RNF157: variants seen among roughly 807,000 people sequenced by gnomAD.
RNF157 encodes the protein ring finger protein 157.
A neutral mutation model predicts 88.3 loss-of-function variants in RNF157; 55 were observed. That is an observed-to-expected ratio of 0.62 (90% CI 0.50 to 0.78). The LOEUF is 0.78. RNF157 is among the 30% of genes least tolerant of loss of function. The pLI, the probability that RNF157 is intolerant of heterozygous loss-of-function variation, is 0.00. For synonymous variants in RNF157, 334 were observed against 341.2 expected (o/e 0.98, Z 0.23); for missense variants, 788 against 860.8 (o/e 0.92, Z 1.06).
chr17:76,170,934 C>T (rs1197731948), intron 3 of RNF157, among the ~76,000 whole-genome samples: 1 of 152,068 alleles, frequency 6.6e-6, no homozygotes, highest in African/African-American at 2.4e-5. Flanking sequence ...ACTCTGTCGC[C>T]CAGGCTGAAG....
chr17:76,210,861 C>A (rs1392414796), intron 2 of RNF157, among the ~76,000 whole-genome samples: 1 of 152,038 alleles, frequency 6.6e-6, no homozygotes, highest in Non-Finnish European at 1.5e-5. Flanking sequence ...CTGGAGCGCA[C>A]TGGGGCAACC....
chr17:76,194,815 A>T (rs562768102), intron 2 of RNF157, among the ~76,000 whole-genome samples: 31 of 152,270 alleles, frequency 2.0e-4, no homozygotes, highest in East Asian at 1.7e-3. Flanking sequence ...GGAGATCGAG[A>T]CCATCCTGGC....
chr17:76,182,760 C>CACAT (rs1555655962), intron 2 of RNF157, among the ~76,000 whole-genome samples: 3 of 93,358 alleles, frequency 3.2e-5, no homozygotes, highest in African/African-American at 1.7e-4. Context: ...GGCCTCGTCT[C>CACAT]ATATATATAT....
intron 7 of RNF157, among the ~76,000 whole-genome samples, 174 bp downstream of exon 7, chr17:76,165,328 C>T (rs1568032445): frequency 6.6e-6 from 1 of 152,172 alleles, no homozygotes; most frequent in Non-Finnish European, 1.5e-5. Flanking sequence ...CACTCTATCG[C>T]CCAGGCTGGA....
intron 2 of RNF157, among the ~76,000 whole-genome samples, chr17:76,194,822 T>C (rs376647801): frequency 6.6e-6 from 1 of 152,156 alleles, no homozygotes; most frequent in Non-Finnish European, 1.5e-5. Flanking sequence ...GAGACCATCC[T>C]GGCTAACATG....
Position 76,195,467 on chromosome 17 carries a change from G to A in RNF157, c.207+16897C>T, listed in dbSNP as rs976643417. Among the ~76,000 whole-genome samples, 5 of 152,164 alleles carry A rather than the reference G, an allele frequency of 3.3e-5. No homozygotes were observed. The highest frequency in any genetic ancestry group is 9.7e-5 in the African/African-American group (4 of 41,450). On this transcript the variant is annotated intron_variant, in intron 2 of 18. Coordinates refer to ENST00000269391, the MANE Select transcript of RNF157 (RefSeq NM_052916.3). The surrounding 1 kb of genome is among the most constrained non-coding windows in gnomAD (Gnocchi z 4.4). ...AATTGGTAGAATCACTTTGAAAAGC[G>A]GTTAGCGGTATCTACTACAGCATAT...
At chr17:76,222,106 G>A (rs2069994006) in intron 1 of RNF157, among the ~76,000 whole-genome samples, 1 of 152,234 alleles carries the variant, frequency 6.6e-6, no homozygotes, top group South Asian at 2.1e-4. Flanking sequence ...CACCTTTTGG[G>A]AGGCTGAGGC....
intron 3 of RNF157, among the ~76,000 whole-genome samples, chr17:76,170,777 A>T (rs1389196858): frequency 6.6e-6 from 1 of 152,164 alleles, no homozygotes; most frequent in Non-Finnish European, 1.5e-5. Context: ...GGGTCTACTA[A>T]GTCATTTAAC....
Position 76,154,273 on chromosome 17 carries a change from C to G in RNF157, c.1810+10G>C. On this transcript the variant is annotated intron_variant, in intron 17 of 18. Coordinates refer to ENST00000269391, the MANE Select transcript of RNF157 (RefSeq NM_052916.3). The stretch of plus-strand genomic sequence containing the variant: ...AACTAAAGGAAGTAAAGGACCAGAT[C>G]TTTTACCACCTTCCTGCGTGGGTGA... 6.3e-7 allele frequency: 1 copy of G among 1,598,596 alleles called. No individual in the cohort carries two copies. Among genetic ancestry groups the G allele is most frequent in the Non-Finnish European group, 8.6e-7 (1 of 1,165,800 alleles).
At chr17:76,217,069 T>C (rs2069901644) in intron 1 of RNF157, among the ~76,000 whole-genome samples, 3 of 152,230 alleles carry the variant, frequency 2.0e-5, no homozygotes, top group Non-Finnish European at 2.9e-5. Context: ...AATAATTCTT[T>C]AGCAATATTA....
At chr17:76,235,978 C>A (rs1394904768) in intron 1 of RNF157, among the ~76,000 whole-genome samples, 1 of 152,152 alleles carries the variant, frequency 6.6e-6, no homozygotes, top group South Asian at 2.1e-4. Flanking sequence ...CACTGCACTC[C>A]AGCCTGGATG....
intron 18 of RNF157, among the ~76,000 whole-genome samples, chr17:76,145,919 TC>T (rs2068578666): frequency 6.6e-6 from 1 of 152,052 alleles, no homozygotes; most frequent in East Asian, 1.9e-4. Context: ...CGTTTTCCTC[TC>T]CTCCTGCACC....
At chr17:76,147,059 T>G in intron 18 of RNF157, 3 of 985,364 alleles carry the variant, frequency 3.0e-6, no homozygotes, top group Non-Finnish European at 3.6e-6. Flanking sequence ...CTCTCTCATA[T>G]CCAAACTGAA....
intron 2 of RNF157, among the ~76,000 whole-genome samples, chr17:76,177,748 C>T (rs1330047531): frequency 6.6e-6 from 1 of 152,142 alleles, no homozygotes; most frequent in Non-Finnish European, 1.5e-5. Flanking sequence ...GAGGTTGGGA[C>T]CACCAGCTGC....
chr17:76,169,830 C>A (rs1379324499), intron 3 of RNF157, among the ~76,000 whole-genome samples: 1 of 152,074 alleles, frequency 6.6e-6, no homozygotes, highest in African/African-American at 2.4e-5. Flanking sequence ...ATCCACCCGC[C>A]TCACCTTCCC....
chr17:76,148,792 A>G (rs1043753567), intron 18 of RNF157, among the ~76,000 whole-genome samples: 1 of 151,168 alleles, frequency 6.6e-6, no homozygotes, highest in Non-Finnish European at 1.5e-5. Context: ...GCTGGTCTCC[A>G]GCTCCTGGGC....
chr17:76,206,831 G>A (rs2069689222), intron 2 of RNF157, among the ~76,000 whole-genome samples: 2 of 152,128 alleles, frequency 1.3e-5, no homozygotes, highest in South Asian at 4.1e-4. Flanking sequence ...AGTAGCTGTA[G>A]AAATAACCAA....
At chr17:76,162,731 T>C (rs925078348) in intron 8 of RNF157, 108 bp from the exon 9 acceptor site, 11 of 639,226 alleles carry the variant, frequency 1.7e-5, no homozygotes, top group Non-Finnish European at 2.8e-5. Flanking sequence ...TACCGATTCA[T>C]AATGAGAAAA....
At chr17:76,174,795 C>T (rs765839728) in intron 2 of RNF157, among the ~76,000 whole-genome samples, 12 of 152,152 alleles carry the variant, frequency 7.9e-5, no homozygotes, top group African/African-American at 2.7e-4. Flanking sequence ...ACTTAATGTA[C>T]GCAGTATAAT....
Sources: allele counts gnomAD v4.1 joint callset (sites outside exome capture counted in the v4.1 genomes callset), GRCh38; gene constraint gnomAD v4.1.1; non-coding constraint Gnocchi (gnomAD v3.1); transcripts MANE v1.5; gene names NCBI Gene and HGNC (gene_info 2026-07-23, HGNC 2026-07-21).